The following INTS10 variants were observed in gnomAD, a reference collection of about 807,000 sequenced individuals.
INTS10 encodes the protein integrator complex subunit 10.
Under a neutral mutation model 94.4 loss-of-function variants are expected in INTS10, and 44 were observed. The observed-to-expected ratio is 0.47, with a 90% CI of 0.37 to 0.60. INTS10 has a LOEUF of 0.60. Ranked by LOEUF, INTS10 falls within the 20% of genes least tolerant of loss-of-function variation. The pLI is 0.00. For synonymous variants in INTS10, 341 were observed against 320.7 expected, an observed-to-expected ratio of 1.06 and a Z score of -0.68; for missense variants, 797 against 868.7, an observed-to-expected ratio of 0.92 and a Z score of 1.04.
chr8:19,839,503 A>G (rs2067944449), intron 13 of INTS10, among the ~76,000 whole-genome samples: 2 of 152,034 alleles, frequency 1.3e-5, no homozygotes, highest in African/African-American at 4.8e-5. Context: ...AGCCCAAACC[A>G]GCATGGGCAA....
At chr8:19,827,837 C>CTT (rs1285818984) in intron 9 of INTS10, among the ~76,000 whole-genome samples, 2 of 152,108 alleles carry the variant, frequency 1.3e-5, no homozygotes. Flanking sequence ...AGGTCCAGAC[C>CTT]TTAAAGGCCC....
At chr8:19,824,179 G>A in intron 7 of INTS10, 135 bp downstream of exon 7, 2 of 651,958 alleles carry the variant, frequency 3.1e-6, no homozygotes. Flanking sequence ...ATGCAAAAGA[G>A]GATGGTTTTT....
At chr8:19,828,204 C>T (rs1214170468) in intron 9 of INTS10, among the ~76,000 whole-genome samples, 2 of 152,130 alleles carry the variant, frequency 1.3e-5, no homozygotes, top group African/African-American at 4.8e-5. Context: ...GAGGGAGACC[C>T]CGTCTATAAA....
At chr8:19,833,623 C>A (rs2067417915) in intron 12 of INTS10, among the ~76,000 whole-genome samples, 1 of 151,908 alleles carries the variant, frequency 6.6e-6, no homozygotes, top group African/African-American at 2.4e-5. Flanking sequence ...ACTCTTGTCT[C>A]TTCTGTTGTA....
intron 12 of INTS10, 24 bp from the exon 13 acceptor site, chr8:19,837,028 C>G (rs1308310547): frequency 6.9e-7 from 1 of 1,451,176 alleles, no homozygotes; most frequent in African/African-American, 1.4e-5. Context: ...CAAGTTAGTT[C>G]CTTTTTGGTC....
intron 9 of INTS10, among the ~76,000 whole-genome samples, chr8:19,827,723 G>A (rs1446168785): frequency 6.6e-6 from 1 of 151,998 alleles, no homozygotes; most frequent in Non-Finnish European, 1.5e-5. Flanking sequence ...CTCATAACCT[G>A]GCCTTCTACC....
At chr8:19,845,868 A>C (rs1000411547) in intron 16 of INTS10, 71 bp downstream of exon 16, 15 of 1,049,932 alleles carry the variant, frequency 1.4e-5, no homozygotes, top group Non-Finnish European at 2.1e-5. Context: ...AGTATTTGTA[A>C]ATGTCTATAC....
At chr8:19,829,543 TC>T (rs1193282392) in intron 9 of INTS10, among the ~76,000 whole-genome samples, 2 of 152,196 alleles carry the variant, frequency 1.3e-5, no homozygotes, top group East Asian at 3.8e-4. Context: ...AAATGTACTT[TC>T]TGACCAGGAC....
At chr8:19,847,400 G>T (rs1263088624) in intron 16 of INTS10, among the ~76,000 whole-genome samples, 1 of 152,118 alleles carries the variant, frequency 6.6e-6, no homozygotes, top group Non-Finnish European at 1.5e-5. Flanking sequence ...ACAGTGTTTG[G>T]GGATAAAGAT....
chr8:19,828,804 A>G (rs76769796), intron 9 of INTS10, among the ~76,000 whole-genome samples: 15,554 of 150,794 alleles, frequency 0.1, 1,027 homozygotes, highest in Middle Eastern at 0.22. Flanking sequence ...CAATCCTCCC[A>G]CCTTGGCCTC....
At position 19,824,935 on chromosome 8, in the gene INTS10, C is replaced by G. The variant is rs778694702; in HGVS notation, c.969C>G (p.Phe323Leu). Residue 323 changes from phenylalanine (F) to leucine (L), a missense_variant, in exon 8 of 17, where the codon TTC (phenylalanine) becomes TTG (leucine). By Grantham distance (22) the Phe-to-Leu change is conservative. This residue lies in a region of INTS10 where 734 missense variants were observed against 787.8 expected (regional missense o/e 0.93). Transcript: ENST00000397977. ...TGCTGGTCTTCTTTAAGAATGCATT[C>G]CAGTATGTCAACAGCATACAGCCAT... is the stretch of plus-strand genomic sequence containing the variant. Reference protein sequence around the residue: ...STMLVFFKNAFQYVNSIQPSL... With the variant: ...STMLVFFKNALQYVNSIQPSL... 2 of 1,613,816 alleles carry G rather than the reference C, an allele frequency of 1.2e-6. No individual in the cohort carries two copies. Among genetic ancestry groups the G allele is most frequent in the East Asian group, 2.2e-5 (1 of 44,858 alleles).
At chr8:19,844,979 T>G (rs1335200307) in intron 15 of INTS10, among the ~76,000 whole-genome samples, 1 of 151,966 alleles carries the variant, frequency 6.6e-6, no homozygotes, top group Non-Finnish European at 1.5e-5. Flanking sequence ...CTCACTGCAG[T>G]CTTAAACTCC....
chr8:19,820,285 A>T, intron 3 of INTS10, 94 bp from the exon 4 acceptor site: 2 of 1,216,028 alleles, frequency 1.6e-6, no homozygotes, highest in Non-Finnish European at 2.3e-6. Context: ...TGTAGTGTTT[A>T]CTGTTCTGTA....
At chr8:19,818,000 G>C (rs1162079077) in intron 1 of INTS10, among the ~76,000 whole-genome samples, 3 of 152,138 alleles carry the variant, frequency 2.0e-5, no homozygotes, top group African/African-American at 7.2e-5. Context: ...AAGGCCATTC[G>C]CTCCTTCATT....
intron 13 of INTS10, among the ~76,000 whole-genome samples, chr8:19,839,293 G>A (rs1375008487): frequency 1.3e-5 from 2 of 152,108 alleles, no homozygotes; most frequent in Non-Finnish European, 2.9e-5. Context: ...ACAATACAAG[G>A]ATGTCTGCCC....
intron 12 of INTS10, 34 bp downstream of exon 12, chr8:19,833,355 T>C: frequency 2.1e-6 from 3 of 1,462,792 alleles, no homozygotes; most frequent in Non-Finnish European, 2.7e-6. Context: ...CTGCCGCAGG[T>C]GCACGGGGCC....
intron 5 of INTS10, 132 bp downstream of exon 5, chr8:19,822,652 T>TAA: frequency 1.8e-6 from 1 of 567,206 alleles, no homozygotes; most frequent in Non-Finnish European, 3.0e-6. Context: ...TCTTTTTTTT[T>TAA]TAATTTAGAA....
intron 12 of INTS10, among the ~76,000 whole-genome samples, chr8:19,834,212 A>G (rs191189371): frequency 4.6e-5 from 7 of 152,300 alleles, no homozygotes; most frequent in Admixed American, 4.6e-4. Context: ...AGGACTGTAT[A>G]AACTCAAGGC....
At chr8:19,841,802 T>G in intron 13 of INTS10, 1 of 456,026 alleles carries the variant, frequency 2.2e-6, no homozygotes, top group Non-Finnish European at 4.4e-6. Context: ...TGAGTGTTTT[T>G]CAAGCTGTGA....
Sources: allele counts gnomAD v4.1 joint callset (sites outside exome capture counted in the v4.1 genomes callset), GRCh38; gene constraint gnomAD v4.1.1; regional missense constraint gnomAD v4.1.1; transcripts MANE v1.5; gene names NCBI Gene and HGNC (gene_info 2026-07-23, HGNC 2026-07-21).